The following ST8SIA6 variants were observed in gnomAD, a reference collection of about 807,000 sequenced individuals.
ST8SIA6 encodes ST8 alpha-N-acetyl-neuraminide alpha-2,8-sialyltransferase 6.
ST8SIA6 carries 39 observed loss-of-function variants against 33.6 expected under a neutral mutation model. The observed-to-expected ratio is 1.16, with a 90% confidence interval of 0.90 to 1.52. The LOEUF (loss-of-function observed/expected upper bound fraction) is 1.52. ST8SIA6 is among the 40% of genes most tolerant of loss of function. ST8SIA6 has a pLI of 0.00. For missense variants in ST8SIA6, 441 were observed against 443.8 expected, an observed-to-expected ratio of 0.99 and a Z score of 0.06; for synonymous variants, 172 against 167.2, an observed-to-expected ratio of 1.03 and a Z score of -0.22.
intron 4 of ST8SIA6, among the ~76,000 whole-genome samples, chr10:17,334,306 G>A (rs1215204737): frequency 2.6e-5 from 4 of 151,336 alleles, no homozygotes; most frequent in East Asian, 3.9e-4. Flanking sequence ...TTGGGAGGCC[G>A]AGGCGGGCGG....
At chr10:17,339,239 T>C (rs1848600131) in intron 4 of ST8SIA6, among the ~76,000 whole-genome samples, 1 of 152,188 alleles carries the variant, frequency 6.6e-6, no homozygotes. Context: ...TGGATTTCCA[T>C]GAAGTGTTAA....
chr10:17,328,485 A>G (rs1848200939), intron 5 of ST8SIA6, among the ~76,000 whole-genome samples: 1 of 152,150 alleles, frequency 6.6e-6, no homozygotes, highest in East Asian at 1.9e-4. Flanking sequence ...GTCACTTTCC[A>G]TGAAGTAATA....
chr10:17,441,871 A>AT (rs879696172), intron 2 of ST8SIA6, among the ~76,000 whole-genome samples: 10,583 of 144,652 alleles, frequency 0.073, 422 homozygotes, highest in African/African-American at 0.1. Context: ...ATATAAAACA[A>AT]TTTTTTTTTT....
In ST8SIA6 at chr10:17,323,229, G is replaced by GCGCGCA. The variant is rs112083592; in HGVS notation, c.636-73_636-72insTGCGCG. ...AAAGATTGTATACACACATATGCGCGCACACACACACACACACACACCTAT... is the reference window on the plus strand; with the variant it reads ...AAAGATTGTATACACACATATGCGCGCGCGCACACACACACACACACACACACCTAT... On this transcript the variant is annotated intron_variant, in intron 6 of 7. Coordinates refer to ENST00000377602, the MANE Select transcript of ST8SIA6 (RefSeq NM_001004470.3). The GCGCGCA allele has an allele frequency of 7.6e-5, 60 of 794,542 alleles. No homozygotes were observed. The African/African-American group carries it at 9.6e-4, about 13-fold the overall frequency. 49.2% of individuals were successfully genotyped at this position (794,542 alleles called of 1,614,324 possible).
intron 3 of ST8SIA6, among the ~76,000 whole-genome samples, chr10:17,379,008 CCCAGCTACTGGGGAG>C (rs1444366741): frequency 1.3e-5 from 2 of 152,036 alleles, no homozygotes; most frequent in Non-Finnish European, 2.9e-5. Flanking sequence ...CGCCTGTAGT[CCCAGCTACTGGGGAG>C]GCTGAGGCAG....
chr10:17,353,747 G>A (rs1485237714), intron 4 of ST8SIA6, among the ~76,000 whole-genome samples: 1 of 152,162 alleles, frequency 6.6e-6, no homozygotes, highest in Non-Finnish European at 1.5e-5. Flanking sequence ...AGTCATAAAT[G>A]TGTGGGTTGA....
intron 6 of ST8SIA6, among the ~76,000 whole-genome samples, chr10:17,325,216 C>G (rs958558257): frequency 1.4e-5 from 2 of 142,082 alleles, no homozygotes; most frequent in Admixed American, 7.2e-5. Context: ...ACATATAATA[C>G]TGTATTATAT....
chr10:17,327,247 AAGC>A, intron 5 of ST8SIA6, 121 bp from the exon 6 acceptor site: 1 of 693,098 alleles, frequency 1.4e-6, no homozygotes, highest in South Asian at 2.0e-5. Flanking sequence ...GAACAAGAAA[AAGC>A]AGCAGCCCAG....
At chr10:17,372,684 G>A (rs530069105) in intron 3 of ST8SIA6, among the ~76,000 whole-genome samples, 116 of 152,280 alleles carry the variant, frequency 7.6e-4, no homozygotes, top group African/African-American at 2.6e-3. Context: ...ATATAATAAT[G>A]TAAAGGATTA....
chr10:17,377,228 C>T (rs1040816837), intron 3 of ST8SIA6, among the ~76,000 whole-genome samples: 1 of 152,114 alleles, frequency 6.6e-6, no homozygotes. Context: ...AGAGAAAAAA[C>T]CCCTTTAACT....
chr10:17,379,271 G>A (rs1850040077), intron 3 of ST8SIA6, among the ~76,000 whole-genome samples: 1 of 152,158 alleles, frequency 6.6e-6, no homozygotes, highest in Non-Finnish European at 1.5e-5. Context: ...GAATGGGAGA[G>A]AGGCAGAGAG....
chr10:17,440,585 T>C (rs888066242), intron 2 of ST8SIA6, among the ~76,000 whole-genome samples: 1 of 152,020 alleles, frequency 6.6e-6, no homozygotes, highest in Non-Finnish European at 1.5e-5. Context: ...TCATAAGGAG[T>C]AGACAAAACT....
At position 17,408,575 on chromosome 10, in the gene ST8SIA6, G is replaced by T. The variant is rs371519101; in HGVS notation, c.201-17955C>A. Among the ~76,000 whole-genome samples the T allele has an allele frequency of 1.1e-3, 164 of 151,816 alleles. No individual in the cohort carries two copies. The East Asian group carries it at 0.024, about 23-fold the overall frequency. ...CTTGGGAGACTGAGAGAGGAGAATCGCTTGAACCCGGGAGGTGGAGGTTGC... is the reference window on the plus strand; with the variant it reads ...CTTGGGAGACTGAGAGAGGAGAATCTCTTGAACCCGGGAGGTGGAGGTTGC... On this transcript the variant is annotated intron_variant, in intron 2 of 7. Transcript: ENST00000377602.
At chr10:17,396,795 A>C (rs1188765399) in intron 2 of ST8SIA6, among the ~76,000 whole-genome samples, 3 of 152,192 alleles carry the variant, frequency 2.0e-5, no homozygotes, top group African/African-American at 7.2e-5. Flanking sequence ...TCAAAGTGCA[A>C]CCAACTCTTG....
chr10:17,356,795 A>G (rs1849205596), intron 4 of ST8SIA6, among the ~76,000 whole-genome samples: 1 of 152,106 alleles, frequency 6.6e-6, no homozygotes, highest in South Asian at 2.1e-4. Context: ...CTAAGGTAAT[A>G]ATGGCTGTAC....
At chr10:17,350,250 A>G (rs1848986038) in intron 4 of ST8SIA6, among the ~76,000 whole-genome samples, 1 of 152,238 alleles carries the variant, frequency 6.6e-6, no homozygotes, top group Non-Finnish European at 1.5e-5. Context: ...AGGTATAGAC[A>G]GCTCCTTCCA....
chr10:17,417,983 G>A (rs1157557580), intron 2 of ST8SIA6, among the ~76,000 whole-genome samples: 1 of 152,228 alleles, frequency 6.6e-6, no homozygotes, highest in African/African-American at 2.4e-5. Flanking sequence ...AAGTGAGAAA[G>A]TTCTTTCAGC....
At chr10:17,447,551 TA>T (rs1421718493) in intron 2 of ST8SIA6, among the ~76,000 whole-genome samples, 2 of 149,626 alleles carry the variant, frequency 1.3e-5, no homozygotes, top group Non-Finnish European at 3.0e-5. Flanking sequence ...CTTATGCAAA[TA>T]AATACCAAGC....
chr10:17,420,825 G>A (rs532717445), intron 2 of ST8SIA6, among the ~76,000 whole-genome samples: 40 of 152,336 alleles, frequency 2.6e-4, no homozygotes, highest in African/African-American at 9.4e-4. Context: ...TTGACTCACA[G>A]TTCCACCTGA....
Sources: gnomAD v4.1 joint callset for allele counts (sites outside exome capture counted in the v4.1 genomes callset) on GRCh38, gnomAD v4.1.1 for gene constraint, MANE v1.5 for transcripts, NCBI Gene and HGNC (gene_info 2026-07-23, HGNC 2026-07-21) for gene names.